The following CFAP77 variants were observed in gnomAD, a reference collection of about 807,000 sequenced individuals.
CFAP77 encodes cilia and flagella associated protein 77.
In CFAP77, 25 loss-of-function variants were observed where a neutral mutation model predicts 31.1. The observed-to-expected ratio is 0.80, with a 90% CI of 0.59 to 1.12. The LOEUF (loss-of-function observed/expected upper bound fraction) is 1.12, where lower values mean the gene tolerates loss of function less well. Ranked by LOEUF, CFAP77 falls within the 50% of genes most tolerant of loss-of-function variation. The probability of loss-of-function intolerance (pLI) is 0.00; values close to 1 mark genes in which losing one functional copy is unlikely to be tolerated. For missense variants in CFAP77, 377 were observed against 397.3 expected (o/e 0.95, Z 0.44); for synonymous variants, 151 against 159.9 (o/e 0.94, Z 0.42).
chr9:132,524,679 C>T (rs922666345), intron 3 of CFAP77, among the ~76,000 whole-genome samples: 46 of 152,142 alleles, frequency 3.0e-4, no homozygotes, highest in African/African-American at 7.2e-4. Context: ...GGCAGAGTCT[C>T]GCTCTGTCGC....
intron 1 of CFAP77, among the ~76,000 whole-genome samples, chr9:132,447,948 T>C (rs180947642): frequency 4.6e-5 from 7 of 152,300 alleles, no homozygotes; most frequent in Admixed American, 1.3e-4. Flanking sequence ...CGCTGTATTA[T>C]GCAGTTAGGG....
chr9:132,432,136 C>T (rs906738357), intron 1 of CFAP77, among the ~76,000 whole-genome samples: 3 of 152,162 alleles, frequency 2.0e-5, no homozygotes, highest in African/African-American at 7.2e-5. Context: ...GCTGGAAACA[C>T]GGAGCCCAGG....
At chr9:132,447,209 T>C (rs507371) in intron 1 of CFAP77, among the ~76,000 whole-genome samples, 22,725 of 152,096 alleles carry the variant, frequency 0.15, 1,933 homozygotes, top group East Asian at 0.29. Flanking sequence ...TTTTATGTTT[T>C]CCCCCCTTAA....
At chr9:132,416,376 T>C (rs1182525172) in intron 1 of CFAP77, among the ~76,000 whole-genome samples, 2 of 150,318 alleles carry the variant, frequency 1.3e-5, no homozygotes, top group Non-Finnish European at 3.0e-5. Context: ...GTTTTGCTCT[T>C]GTTGCCCAGG....
In CFAP77 at chr9:132,511,586, T is replaced by C. The variant is rs1289782378; in HGVS notation, c.524+11986T>C. On this transcript the variant is annotated intron_variant, in intron 3 of 5. Transcript: ENST00000393216. The surrounding 1 kb of genome is among the most constrained non-coding windows in gnomAD (Gnocchi z 5.8). Reference sequence around the variant, plus strand: ...CAGATTGCTCAAATGCAGTGCGTCCTGGATTTTGGGAACAGGCACTATTCT... The same window carrying C: ...CAGATTGCTCAAATGCAGTGCGTCCCGGATTTTGGGAACAGGCACTATTCT... 2.0e-5 allele frequency among the ~76,000 whole-genome samples: 3 copies of C among 152,210 alleles called. No individual in the cohort carries two copies. Among genetic ancestry groups the C allele is most frequent in the Non-Finnish European group, 2.9e-5 (2 of 68,034 alleles).
intron 3 of CFAP77, among the ~76,000 whole-genome samples, chr9:132,531,433 AGGTGG>A (rs1473416611): frequency 6.6e-6 from 1 of 152,064 alleles, no homozygotes; most frequent in Non-Finnish European, 1.5e-5. Context: ...CCCTCTGGGG[AGGTGG>A]CCTCACTACT....
intron 1 of CFAP77, among the ~76,000 whole-genome samples, chr9:132,457,047 A>T (rs1850929570): frequency 6.6e-6 from 1 of 152,148 alleles, no homozygotes; most frequent in African/African-American, 2.4e-5. Flanking sequence ...GCAGATCTTT[A>T]AAAAGACCCA....
At chr9:132,465,257 T>C (rs1851132905) in intron 1 of CFAP77, among the ~76,000 whole-genome samples, 1 of 152,088 alleles carries the variant, frequency 6.6e-6, no homozygotes, top group Non-Finnish European at 1.5e-5. Context: ...TACTATGGAG[T>C]TCGATTTTGG....
At chr9:132,446,613 T>C (rs1054220673) in intron 1 of CFAP77, among the ~76,000 whole-genome samples, 13 of 151,794 alleles carry the variant, frequency 8.6e-5, no homozygotes, top group South Asian at 4.2e-4. Flanking sequence ...TGGTGGTGGG[T>C]GCCTGTAGTC....
At chr9:132,475,530 CA>C (rs1851335642) in intron 1 of CFAP77, among the ~76,000 whole-genome samples, 3 of 152,114 alleles carry the variant, frequency 2.0e-5, no homozygotes, top group Non-Finnish European at 2.9e-5. Context: ...TCGTTTTTGC[CA>C]GTCTTGAATG....
At chr9:132,558,682 G>A (rs1293221556) in intron 5 of CFAP77, among the ~76,000 whole-genome samples, 1 of 151,300 alleles carries the variant, frequency 6.6e-6, no homozygotes, top group Non-Finnish European at 1.5e-5. Flanking sequence ...TCCAGCCTGG[G>A]TGACAAGAGT....
chr9:132,541,642 T>G (rs1852643631), intron 4 of CFAP77, among the ~76,000 whole-genome samples: 1 of 152,062 alleles, frequency 6.6e-6, no homozygotes, highest in Non-Finnish European at 1.5e-5. Context: ...GAGAGTTGCT[T>G]GAACCCGGGA....
At chr9:132,467,669 AT>A (rs1851179037) in intron 1 of CFAP77, among the ~76,000 whole-genome samples, 1 of 152,164 alleles carries the variant, frequency 6.6e-6, no homozygotes, top group South Asian at 2.1e-4. Context: ...GGATGAACAT[AT>A]CTCTCTGAGT....
intron 1 of CFAP77, among the ~76,000 whole-genome samples, chr9:132,438,634 C>G (rs1272807310): frequency 6.7e-6 from 1 of 149,128 alleles, no homozygotes; most frequent in East Asian, 2.0e-4. Flanking sequence ...CTCCTGGGCT[C>G]AATCAATCCT....
intron 1 of CFAP77, among the ~76,000 whole-genome samples, chr9:132,494,388 A>G (rs1210252290): frequency 1.3e-5 from 2 of 152,220 alleles, no homozygotes; most frequent in African/African-American, 4.8e-5. Flanking sequence ...ATGTCCAGAC[A>G]TGGCCAGATG....
At position 132,508,743 on chromosome 9, in the gene CFAP77, C is replaced by T. The variant is rs191725367; in HGVS notation, c.524+9143C>T. Among the ~76,000 whole-genome samples the T allele has an allele frequency of 2.2e-3, 338 of 152,230 alleles. 2 individuals carry two copies. Among genetic ancestry groups the T allele is most frequent in the African/African-American group, 7.8e-3 (323 of 41,530 alleles). ...CTGGGCCCCCACTGAGTGACCGCTG[C>T]GTCCAACACTGAGCCCTGTACCTCA... On this transcript the variant is annotated intron_variant, in intron 3 of 5. Transcript: ENST00000393216.
At chr9:132,458,343 G>GTGGGT (rs71791194) in intron 1 of CFAP77, among the ~76,000 whole-genome samples, 1 of 102,636 alleles carries the variant, frequency 9.7e-6, no homozygotes, top group Non-Finnish European at 2.1e-5. Context: ...TCTCCCTGGC[G>GTGGGT]GGGGAGGGGG....
chr9:132,562,936 G>A (rs890584383), intron 5 of CFAP77, among the ~76,000 whole-genome samples: 2 of 152,042 alleles, frequency 1.3e-5, no homozygotes, highest in Non-Finnish European at 2.9e-5. Context: ...CTGACCTCGT[G>A]ATCTGCCTGC....
chr9:132,506,425 C>G (rs1265152018), intron 3 of CFAP77, among the ~76,000 whole-genome samples: 1 of 152,008 alleles, frequency 6.6e-6, no homozygotes, highest in Non-Finnish European at 1.5e-5. Context: ...CCGGCACTGT[C>G]GATTATGATG....
Sources: gnomAD v4.1 joint callset for allele counts (sites outside exome capture counted in the v4.1 genomes callset) on GRCh38, gnomAD v4.1.1 for gene constraint, Gnocchi (gnomAD v3.1) non-coding constraint, MANE v1.5 for transcripts, NCBI Gene and HGNC (gene_info 2026-07-23, HGNC 2026-07-21) for gene names.